Variants in ACSL4 observed in about 807,000 individuals in gnomAD.
ACSL4 encodes acyl-CoA synthetase long chain family member 4, also known as long-chain-fatty-acid--CoA ligase 4.
In ACSL4, 9 loss-of-function variants were observed where a neutral mutation model predicts 49.1. That is an observed-to-expected ratio of 0.18 (90% confidence interval 0.11 to 0.32). ACSL4 has a LOEUF of 0.32. Among genes scored for constraint, ACSL4 ranks in the 10% least tolerant of loss-of-function variants. The pLI is 1.00. For synonymous variants in ACSL4, 191 were observed against 170.3 expected (o/e 1.12, Z -0.95); for missense variants, 333 against 493.7 (o/e 0.67, Z 3.08).
At position 109,700,992 on chromosome X, in the gene ACSL4, G is replaced by A. The variant is rs182232115; in HGVS notation, c.-65-4796C>T. 3.0e-3 allele frequency among the ~76,000 whole-genome samples: 332 copies of A among 109,221 alleles called. 1 individual carries two copies. Among genetic ancestry groups the A allele is most frequent in the African/African-American group, 9.9e-3 (298 of 30,030 alleles). 94.8% of individuals were successfully genotyped at this position (109,221 alleles called of 115,157 possible). A position where few individuals can be genotyped will look rare whatever the true frequency, so the allele number is the denominator to read the frequency against. ...CGGGAGGCAGAGGCTGCCGTGAGCC[G>A]AGATCGCACCACTGCACTCCAGCCT... On this transcript the variant is annotated intron_variant, in intron 1 of 15. Transcript: ENST00000672401.
chrX:109,675,027 T>A (rs1923568012), intron 8 of ACSL4, among the ~76,000 whole-genome samples: 1 of 112,446 alleles, frequency 8.9e-6, no homozygotes, highest in Non-Finnish European at 1.9e-5. Flanking sequence ...AGGATGGTTC[T>A]CCCGATAGAA....
At chrX:109,667,476 T>C (rs372099010) in intron 11 of ACSL4, among the ~76,000 whole-genome samples, 2 of 112,544 alleles carry the variant, frequency 1.8e-5, no homozygotes, top group Admixed American at 9.4e-5. Flanking sequence ...AACACAGATT[T>C]AAGAGGGAGC....
At chrX:109,680,259 C>G (rs1187993662) in intron 6 of ACSL4, among the ~76,000 whole-genome samples, 1 of 111,432 alleles carries the variant, frequency 9.0e-6, no homozygotes, top group Non-Finnish European at 1.9e-5. Flanking sequence ...AAATCTGACT[C>G]TCTGCCATTC....
intron 1 of ACSL4, among the ~76,000 whole-genome samples, chrX:109,732,640 G>A (rs779724362): frequency 9.0e-6 from 1 of 111,637 alleles, no homozygotes; most frequent in Non-Finnish European, 1.9e-5. Context: ...CGGAAGCGAC[G>A]GCATCCCTCA....
At chrX:109,699,985 A>AG (rs1569435732) in intron 1 of ACSL4, among the ~76,000 whole-genome samples, 1 of 109,525 alleles carries the variant, frequency 9.1e-6, no homozygotes, top group African/African-American at 3.3e-5. Context: ...TCGGAGGCTG[A>AG]GGGGGGCAGA....
intron 15 of ACSL4, among the ~76,000 whole-genome samples, chrX:109,648,005 A>G (rs1259554208): frequency 9.0e-6 from 1 of 110,877 alleles, no homozygotes; most frequent in Non-Finnish European, 1.9e-5. Flanking sequence ...AGACCAATAA[A>G]AAGTGCTGAA....
At chrX:109,693,655 T>C (rs1188168416) in intron 2 of ACSL4, among the ~76,000 whole-genome samples, 2 of 112,268 alleles carry the variant, frequency 1.8e-5, no homozygotes, top group African/African-American at 3.2e-5. Flanking sequence ...ATCTGGCTTA[T>C]GCTTCAGTAA....
chrX:109,642,090 G>C lies in ACSL4; in HGVS notation c.*1939C>G, dbSNP rs1569410368. The C allele has an allele frequency of 9.0e-6, 1 of 111,710 alleles. No homozygotes were observed. Among genetic ancestry groups the C allele is most frequent in the East Asian group, 2.8e-4 (1 of 3,598 alleles). The allele number at this position is 111,710 out of a possible 1,213,427, so 9.2% of individuals were successfully genotyped here. ...TAAGTGTTAATTATGTGTTTCTAAA[G>C]GACCTATAACAGATCAGTTGGCAGT... On this transcript the variant is annotated 3_prime_UTR_variant, in exon 16 of 16. Coordinates refer to ENST00000672401, the MANE Select transcript of ACSL4 (RefSeq NM_001318510.2).
rs759015846 is a variant in ACSL4, at chrX:109,682,785, T to A, written c.340A>T (p.Ile114Phe). The change falls in exon 4 of 16, where the codon ATC (isoleucine) becomes TTC (phenylalanine). Residue 114 changes from isoleucine (I) to phenylalanine (F), a missense_variant. By Grantham distance (21) the Ile-to-Phe change is conservative (BLOSUM62 0). This residue lies in a region of ACSL4 where 157 missense variants were observed against 201.1 expected (regional missense o/e 0.78). Coordinates refer to ENST00000672401, the MANE Select transcript of ACSL4 (RefSeq NM_001318510.2). ...CATTCGGCCCTGGTCTCACAGAAGA[T>A]GGCAATGGTGTTCTTTGGTTTTAGT... ...LGLKPKNTIA[I>F]FCETRAEWMI... The A allele has an allele frequency of 1.7e-5, 21 of 1,210,184 alleles. No homozygotes were observed. The highest frequency in any genetic ancestry group is 6.6e-5 in the Admixed American group (3 of 45,759).
intron 15 of ACSL4, among the ~76,000 whole-genome samples, chrX:109,644,668 G>A (rs181231995): frequency 5.4e-5 from 6 of 112,141 alleles, no homozygotes; most frequent in African/African-American, 1.9e-4. Context: ...AAAAGAGAAG[G>A]GGGAGGAGCC....
At chrX:109,719,350 G>A (rs745939277) in intron 1 of ACSL4, among the ~76,000 whole-genome samples, 1 of 111,574 alleles carries the variant, frequency 9.0e-6, no homozygotes, top group South Asian at 3.8e-4. Flanking sequence ...TGCCACCTAT[G>A]TAGAAGTTGT....
At chrX:109,644,657 C>T (rs1339612613) in intron 15 of ACSL4, among the ~76,000 whole-genome samples, 6 of 112,137 alleles carry the variant, frequency 5.4e-5, no homozygotes, top group Non-Finnish European at 1.1e-4. Context: ...CCACTCATAA[C>T]AAAAGAGAAG....
Position 109,681,320 on chromosome X carries a change from T to C in ACSL4, c.462A>G (p.Glu154=). Reference sequence around the variant, plus strand: ...TGGTAATCAGATAGGAAGCCTCAGATTCATTTAGCCCATGAACTACTGCTT... The same window carrying C: ...TGGTAATCAGATAGGAAGCCTCAGACTCATTTAGCCCATGAACTACTGCTT... ...GKEAVVHGLN[E]SEASYLITSV... The change falls in exon 5 of 16, where the codon GAA becomes GAG. Residue 154 remains glutamate (E), a synonymous_variant. Transcript: ENST00000672401. The C allele has an allele frequency of 8.3e-7, 1 of 1,211,167 alleles. No individual in the cohort carries two copies. Among genetic ancestry groups the C allele is most frequent in the Non-Finnish European group, 1.1e-6 (1 of 895,120 alleles).
intron 1 of ACSL4, among the ~76,000 whole-genome samples, chrX:109,718,272 G>A (rs1369286522): frequency 1.8e-5 from 2 of 112,302 alleles, no homozygotes; most frequent in East Asian, 2.8e-4. Flanking sequence ...TCTTTCAACC[G>A]AAGTGAGCTG....
chrX:109,682,999 A>C (rs936017705), intron 3 of ACSL4, 103 bp from the exon 4 acceptor site: 88 of 1,037,121 alleles, frequency 8.5e-5, no homozygotes, highest in Non-Finnish European at 1.1e-4. Context: ...GAACATACAG[A>C]AGCTATGAGC....
At chrX:109,662,537 A>T (rs973859272) in intron 13 of ACSL4, among the ~76,000 whole-genome samples, 1 of 111,048 alleles carries the variant, frequency 9.0e-6, no homozygotes, top group Admixed American at 9.6e-5. Flanking sequence ...AGGGGTTCTC[A>T]TCAGCAAGTT....
intron 11 of ACSL4, among the ~76,000 whole-genome samples, chrX:109,666,744 G>A (rs767287284): frequency 9.0e-6 from 1 of 111,414 alleles, no homozygotes; most frequent in Non-Finnish European, 1.9e-5. Flanking sequence ...GTAAAACCCC[G>A]CTTCTACTAA....
At chrX:109,673,956 C>G (rs1923474213) in intron 9 of ACSL4, among the ~76,000 whole-genome samples, 1 of 111,438 alleles carries the variant, frequency 9.0e-6, no homozygotes, top group African/African-American at 3.3e-5. Context: ...GGAGCTCTCT[C>G]CAATTTTCAG....
At chrX:109,666,468 A>G (rs1348470400) in intron 11 of ACSL4, among the ~76,000 whole-genome samples, 1 of 111,861 alleles carries the variant, frequency 8.9e-6, no homozygotes, top group Admixed American at 9.4e-5. Flanking sequence ...GGATAAGTAC[A>G]CTAGCATCAG....
Sources: gnomAD v4.1 joint callset for allele counts (sites outside exome capture counted in the v4.1 genomes callset) on GRCh38, gnomAD v4.1.1 for gene constraint, gnomAD v4.1.1 regional missense constraint, MANE v1.5 for transcripts, NCBI Gene and HGNC (gene_info 2026-07-23, HGNC 2026-07-21) for gene names.